The following LIMK2 variants were observed in gnomAD, a reference collection of about 807,000 sequenced individuals.
LIMK2 encodes the protein LIM domain kinase 2.
In LIMK2, 35 loss-of-function variants were observed where a neutral mutation model predicts 75.7. The observed-to-expected ratio is 0.46, with a 90% CI of 0.35 to 0.61. The LOEUF (loss-of-function observed/expected upper bound fraction) is 0.61. Ranked by LOEUF, LIMK2 falls within the 20% of genes least tolerant of loss-of-function variation. LIMK2 has a pLI of 0.00. For synonymous variants in LIMK2, 301 were observed against 319.2 expected (o/e 0.94, Z 0.61); for missense variants, 623 against 831.0 (o/e 0.75, Z 3.08).
chr22:31,266,037 CGTT>C lies in LIMK2; in HGVS notation c.950_952del (p.Cys317del). ...TGACATCAGCCGCTCAGAATCCCTT[CGTT>C]GTTCCAGCAGCTATTCACAGCAGAT... is the stretch of plus-strand genomic sequence containing the variant. On this transcript the variant is annotated inframe_deletion, in exon 8 of 16. Transcript: ENST00000331728. The C allele has an allele frequency of 6.2e-7, 1 of 1,614,194 alleles. No homozygotes were observed. Among genetic ancestry groups the C allele is most frequent in the Non-Finnish European group, 8.5e-7 (1 of 1,180,020 alleles).
chr22:31,257,786 G>C (rs1362546775), intron 2 of LIMK2, among the ~76,000 whole-genome samples: 1 of 151,994 alleles, frequency 6.6e-6, no homozygotes, highest in East Asian at 1.9e-4. Flanking sequence ...TATACTTAAC[G>C]TATTTTTGGC....
At chr22:31,261,809 T>G (rs2048842807) in intron 5 of LIMK2, among the ~76,000 whole-genome samples, 1 of 152,076 alleles carries the variant, frequency 6.6e-6, no homozygotes, top group African/African-American at 2.4e-5. Context: ...AAATAGAAGC[T>G]ATTACCGTGA....
intron 11 of LIMK2, among the ~76,000 whole-genome samples, chr22:31,269,276 A>AT (rs1231577841): frequency 2.6e-4 from 27 of 103,582 alleles, no homozygotes; most frequent in South Asian, 6.0e-4. Flanking sequence ...AATTTTTTGA[A>AT]TTTTTTTTTC....
chr22:31,249,817 G>A (rs1314621087), intron 2 of LIMK2, among the ~76,000 whole-genome samples: 1 of 152,112 alleles, frequency 6.6e-6, no homozygotes, highest in Non-Finnish European at 1.5e-5. Flanking sequence ...TAGATTGCTG[G>A]GAAGTGTCTG....
chr22:31,218,427 T>C (rs978638780), intron 1 of LIMK2, among the ~76,000 whole-genome samples: 2 of 152,234 alleles, frequency 1.3e-5, no homozygotes, highest in African/African-American at 4.8e-5. Flanking sequence ...GCCCTTGGTT[T>C]GGTGTCAGTC....
chr22:31,273,097 A>G (rs533248877), intron 13 of LIMK2: 2 of 926,606 alleles, frequency 2.2e-6, no homozygotes, highest in Admixed American at 6.2e-5. Flanking sequence ...GGCCTCAGAA[A>G]TGGTCTGAAT....
chr22:31,271,327 C>A, intron 12 of LIMK2, 126 bp downstream of exon 12: 1 of 775,216 alleles, frequency 1.3e-6, no homozygotes, highest in Non-Finnish European at 2.3e-6. Flanking sequence ...TCCTATCTTT[C>A]CCTTCCTGCT....
At chr22:31,227,505 C>G (rs780419807) in intron 2 of LIMK2, among the ~76,000 whole-genome samples, 7 of 152,228 alleles carry the variant, frequency 4.6e-5, no homozygotes, top group Non-Finnish European at 8.8e-5. Flanking sequence ...GCTCTCAAGT[C>G]TTTTCTGTGG....
intron 5 of LIMK2, among the ~76,000 whole-genome samples, chr22:31,261,762 C>T (rs1200777102): frequency 1.3e-5 from 2 of 151,830 alleles, no homozygotes; most frequent in African/African-American, 2.4e-5. Flanking sequence ...AGTAAGATGC[C>T]ATCTCAAATA....
At chr22:31,273,369 C>T (rs976164750) in intron 13 of LIMK2, 83 bp from the exon 14 acceptor site, 1 of 1,248,698 alleles carries the variant, frequency 8.0e-7, no homozygotes, top group Non-Finnish European at 1.2e-6. Flanking sequence ...TAGTTCTTAG[C>T]TGTGGCTTAG....
intron 14 of LIMK2, 83 bp downstream of exon 14, chr22:31,273,590 G>A: frequency 9.3e-7 from 1 of 1,080,650 alleles, no homozygotes; most frequent in Non-Finnish European, 1.4e-6. Context: ...TCTCCTCCTA[G>A]GGATGACTAG....
At chr22:31,236,051 T>C (rs1601410350) in intron 2 of LIMK2, among the ~76,000 whole-genome samples, 1 of 152,144 alleles carries the variant, frequency 6.6e-6, no homozygotes, top group African/African-American at 2.4e-5. Context: ...TCCCAGCACT[T>C]TGGGAGGCCG....
intron 2 of LIMK2, among the ~76,000 whole-genome samples, chr22:31,244,688 T>C (rs1456178399): frequency 1.3e-5 from 2 of 152,020 alleles, no homozygotes; most frequent in African/African-American, 2.4e-5. Flanking sequence ...ACAGAGAGAG[T>C]GACTTGCTAA....
chr22:31,214,743 G>A (rs544155922), intron 1 of LIMK2, among the ~76,000 whole-genome samples: 5 of 152,310 alleles, frequency 3.3e-5, no homozygotes, highest in South Asian at 4.1e-4. Flanking sequence ...AGGGTAGGAA[G>A]GCATGTAGTG....
intron 1 of LIMK2, among the ~76,000 whole-genome samples, chr22:31,220,613 A>C (rs540128854): frequency 6.6e-6 from 1 of 152,378 alleles, no homozygotes; most frequent in African/African-American, 2.4e-5. Context: ...AAATAGGTAT[A>C]GACAAAATGA....
At chr22:31,277,349 T>A (rs1342023387) in intron 15 of LIMK2, 1 of 1,408,104 alleles carries the variant, frequency 7.1e-7, no homozygotes, top group East Asian at 2.7e-5. Context: ...GGACTTTGTG[T>A]TTTTATATTG....
intron 2 of LIMK2, among the ~76,000 whole-genome samples, chr22:31,252,380 A>C (rs947261096): frequency 6.6e-6 from 1 of 151,942 alleles, no homozygotes; most frequent in Non-Finnish European, 1.5e-5. Context: ...CTGTCTCTAC[A>C]AAAAATAAAA....
At chr22:31,268,956 G>T (rs750938941) in intron 11 of LIMK2, among the ~76,000 whole-genome samples, 2 of 152,198 alleles carry the variant, frequency 1.3e-5, no homozygotes, top group South Asian at 2.1e-4. Flanking sequence ...CATCAAGGTC[G>T]CTGTGTTTTA....
At chr22:31,217,865 T>G (rs951153701) in intron 1 of LIMK2, among the ~76,000 whole-genome samples, 4 of 152,224 alleles carry the variant, frequency 2.6e-5, no homozygotes, top group Non-Finnish European at 4.4e-5. Context: ...GGTTTGTCCC[T>G]CTCTGACATG....
Sources: allele counts gnomAD v4.1 joint callset (sites outside exome capture counted in the v4.1 genomes callset), GRCh38; gene constraint gnomAD v4.1.1; transcripts MANE v1.5; gene names NCBI Gene and HGNC (gene_info 2026-07-23, HGNC 2026-07-21).